Variants in TXNDC16 observed in about 807,000 individuals in gnomAD.
The protein encoded by TXNDC16 is thioredoxin domain containing 16.
TXNDC16 carries 74 observed loss-of-function variants against 85.6 expected under a neutral mutation model. The observed-to-expected ratio is 0.86, with a 90% CI of 0.72 to 1.05. The LOEUF is 1.05. Ranked by LOEUF, TXNDC16 falls within the 50% of genes least tolerant of loss-of-function variation. The pLI is 0.00. For missense variants in TXNDC16, 959 were observed against 947.0 expected (o/e 1.01, Z -0.17); for synonymous variants, 335 against 326.5 (o/e 1.03, Z -0.28).
At chr14:52,540,367 G>A (rs2037801026) in intron 4 of TXNDC16, among the ~76,000 whole-genome samples, 1 of 152,212 alleles carries the variant, frequency 6.6e-6, no homozygotes, top group South Asian at 2.1e-4. Flanking sequence ...GCTCATGCCT[G>A]TAATCCCAGC....
At chr14:52,470,787 G>T (rs771432842) in intron 14 of TXNDC16, 107 bp from the exon 15 acceptor site, 22 of 995,042 alleles carry the variant, frequency 2.2e-5, no homozygotes, top group Non-Finnish European at 3.0e-5. Context: ...CTCTCAGCAT[G>T]AAACACTCCT....
At chr14:52,457,696 C>T (rs2140117651) in intron 16 of TXNDC16, among the ~76,000 whole-genome samples, 1 of 152,296 alleles carries the variant, frequency 6.6e-6, no homozygotes. Flanking sequence ...AAAACAATTC[C>T]TACATTTTCT....
intron 6 of TXNDC16, among the ~76,000 whole-genome samples, chr14:52,535,702 C>CA (rs1375235044): frequency 6.6e-6 from 1 of 152,094 alleles, no homozygotes; most frequent in Non-Finnish European, 1.5e-5. Flanking sequence ...ACCTAAATAC[C>CA]AGGCCTGGAG....
At chr14:52,507,105 GA>G (rs1190357899) in intron 9 of TXNDC16, among the ~76,000 whole-genome samples, 11 of 152,102 alleles carry the variant, frequency 7.2e-5, no homozygotes, top group Admixed American at 3.3e-4. Context: ...ATTCAATCAG[GA>G]AAAGAGGAAG....
At chr14:52,465,024 CTTA>C (rs1566541740) in intron 16 of TXNDC16, among the ~76,000 whole-genome samples, 1 of 152,088 alleles carries the variant, frequency 6.6e-6, no homozygotes, top group Non-Finnish European at 1.5e-5. Context: ...TATTAATATT[CTTA>C]TTATTTATTT....
chr14:52,542,975 T>C (rs530716897), intron 3 of TXNDC16, among the ~76,000 whole-genome samples: 8 of 152,280 alleles, frequency 5.3e-5, no homozygotes, highest in East Asian at 1.9e-4. Flanking sequence ...TAATTAACAA[T>C]ACAGCTAAAG....
chr14:52,531,992 G>A (rs1202748606), intron 6 of TXNDC16, among the ~76,000 whole-genome samples: 2 of 151,990 alleles, frequency 1.3e-5, no homozygotes, highest in Non-Finnish European at 2.9e-5. Context: ...CTAAGACTTT[G>A]TTTCTTAAAA....
chr14:52,468,984 C>A (rs2035839622), intron 16 of TXNDC16, among the ~76,000 whole-genome samples: 1 of 151,516 alleles, frequency 6.6e-6, no homozygotes, highest in South Asian at 2.1e-4. Flanking sequence ...AAAATCCATA[C>A]AAAGACTCAA....
intron 7 of TXNDC16, among the ~76,000 whole-genome samples, chr14:52,518,097 C>T (rs561802360): frequency 1.3e-4 from 20 of 152,318 alleles, no homozygotes; most frequent in African/African-American, 4.6e-4. Context: ...ACCTTGCTTA[C>T]TGGGCACTTC....
intron 10 of TXNDC16, 23 bp from the exon 11 acceptor site, chr14:52,490,474 G>A: frequency 3.2e-6 from 5 of 1,562,074 alleles, no homozygotes; most frequent in Non-Finnish European, 4.4e-6. Flanking sequence ...GGAAATAAAT[G>A]TTTTATGTTG....
chr14:52,443,043 T>C (rs2035201456), intron 18 of TXNDC16, among the ~76,000 whole-genome samples: 2 of 152,114 alleles, frequency 1.3e-5, no homozygotes, highest in African/African-American at 2.4e-5. Flanking sequence ...CTTGATTGGA[T>C]TGAGGGATGT....
chr14:52,545,382 C>T (rs2037920740), intron 1 of TXNDC16, among the ~76,000 whole-genome samples: 1 of 152,122 alleles, frequency 6.6e-6, no homozygotes, highest in Admixed American at 6.5e-5. Flanking sequence ...ATTGTTCTTA[C>T]ATGTTTAGAG....
At chr14:52,460,193 G>A (rs936655293) in intron 16 of TXNDC16, among the ~76,000 whole-genome samples, 9 of 152,058 alleles carry the variant, frequency 5.9e-5, no homozygotes, top group Non-Finnish European at 7.4e-5. Flanking sequence ...TGGGTAACAC[G>A]GCTAAACCCC....
chr14:52,462,344 C>T (rs1304992551), intron 16 of TXNDC16, among the ~76,000 whole-genome samples: 1 of 152,198 alleles, frequency 6.6e-6, no homozygotes, highest in East Asian at 1.9e-4. Flanking sequence ...TAGACAGACT[C>T]TCACTCCATC....
intron 9 of TXNDC16, among the ~76,000 whole-genome samples, chr14:52,504,486 G>A (rs2140172741): frequency 6.6e-6 from 1 of 152,118 alleles, no homozygotes; most frequent in East Asian, 1.9e-4. Flanking sequence ...CATAAGTGAA[G>A]GAGAAATAAA....
chr14:52,532,124 G>C (rs541768871), intron 6 of TXNDC16, among the ~76,000 whole-genome samples: 14 of 152,150 alleles, frequency 9.2e-5, no homozygotes, highest in African/African-American at 2.6e-4. Context: ...GAACACAATA[G>C]GGAAATTCAA....
intron 14 of TXNDC16, among the ~76,000 whole-genome samples, chr14:52,476,384 T>C (rs2036020779): frequency 6.6e-6 from 1 of 151,846 alleles, no homozygotes; most frequent in South Asian, 2.1e-4. Context: ...ATTAAGCTAA[T>C]CAGGGAGGTG....
At chr14:52,541,719 C>A (rs948400595) in intron 4 of TXNDC16, among the ~76,000 whole-genome samples, 3 of 152,132 alleles carry the variant, frequency 2.0e-5, no homozygotes, top group African/African-American at 7.2e-5. Flanking sequence ...AATTTAGTAT[C>A]ACTGGGTTAC....
At chr14:52,509,878 G>A (rs922130652) in intron 9 of TXNDC16, among the ~76,000 whole-genome samples, 26 of 151,874 alleles carry the variant, frequency 1.7e-4, no homozygotes, top group African/African-American at 6.0e-4. Flanking sequence ...TACTCAGGAG[G>A]CCTGAGGCAG....
Sources: gnomAD v4.1 joint callset for allele counts (sites outside exome capture counted in the v4.1 genomes callset) on GRCh38, gnomAD v4.1.1 for gene constraint, MANE v1.5 for transcripts, NCBI Gene and HGNC (gene_info 2026-07-23, HGNC 2026-07-21) for gene names.